The following MGAT5 variants were observed in gnomAD, a reference collection of about 807,000 sequenced individuals.
The protein encoded by MGAT5 is alpha-1,6-mannosylglycoprotein 6-beta-N-acetylglucosaminyltransferase A.
In MGAT5, 30 loss-of-function variants were observed where a neutral mutation model predicts 94.3. The observed-to-expected ratio is 0.32, with a 90% CI of 0.24 to 0.43. The LOEUF (loss-of-function observed/expected upper bound fraction) is 0.43. Ranked by LOEUF, MGAT5 falls within the 20% of genes least tolerant of loss-of-function variation. The probability of loss-of-function intolerance (pLI) is 1.00; values close to 1 mark genes in which losing one functional copy is unlikely to be tolerated. For missense variants in MGAT5, 691 were observed against 905.5 expected, an observed-to-expected ratio of 0.76 and a Z score of 3.04; for synonymous variants, 310 against 322.9, an observed-to-expected ratio of 0.96 and a Z score of 0.43.
intron 1 of MGAT5, among the ~76,000 whole-genome samples, chr2:134,221,906 A>G (rs1289146825): frequency 2.0e-5 from 3 of 152,206 alleles, no homozygotes; most frequent in Non-Finnish European, 2.9e-5. Flanking sequence ...TTAGCCAAAA[A>G]TCATTCCACA....
At chr2:134,188,872 C>T (rs1340224336) in intron 1 of MGAT5, among the ~76,000 whole-genome samples, 1 of 152,168 alleles carries the variant, frequency 6.6e-6, no homozygotes, top group Non-Finnish European at 1.5e-5. Context: ...CCATGGCCTT[C>T]TTAGGTTTGA....
chr2:134,143,699 A>G (rs1308878644), intron 1 of MGAT5, among the ~76,000 whole-genome samples: 1 of 152,174 alleles, frequency 6.6e-6, no homozygotes, highest in Non-Finnish European at 1.5e-5. Flanking sequence ...TGAAGACAAG[A>G]AAAATCCTAG....
chr2:134,319,731 TG>T, intron 4 of MGAT5: 1 of 418,682 alleles, frequency 2.4e-6, no homozygotes, highest in South Asian at 1.7e-5. Context: ...TCAATGTAGC[TG>T]AAGCTCCTGC....
At chr2:134,295,045 T>C (rs1387206955) in intron 2 of MGAT5, among the ~76,000 whole-genome samples, 1 of 152,210 alleles carries the variant, frequency 6.6e-6, no homozygotes. Context: ...AAGTGTACCC[T>C]TTCTGTAGAA....
intron 1 of MGAT5, among the ~76,000 whole-genome samples, chr2:134,178,389 G>A (rs1418377121): frequency 1.3e-5 from 2 of 152,168 alleles, no homozygotes. Flanking sequence ...CAGGGTGGTG[G>A]GGGTGGCAGC....
At chr2:134,295,684 C>T (rs1012156946) in intron 2 of MGAT5, among the ~76,000 whole-genome samples, 3 of 152,070 alleles carry the variant, frequency 2.0e-5, no homozygotes, top group South Asian at 2.1e-4. Context: ...AAGGGCTGTT[C>T]GGAGTTTCTA....
intron 1 of MGAT5, among the ~76,000 whole-genome samples, chr2:134,156,193 G>T (rs1687472227): frequency 6.6e-6 from 1 of 152,148 alleles, no homozygotes; most frequent in Non-Finnish European, 1.5e-5. Context: ...CTGTGCATGA[G>T]ATCTTGTTTA....
intron 1 of MGAT5, among the ~76,000 whole-genome samples, chr2:134,124,683 G>C (rs1319123505): frequency 6.6e-6 from 1 of 152,216 alleles, no homozygotes; most frequent in Non-Finnish European, 1.5e-5. Flanking sequence ...TCTATTTCCT[G>C]ACAAAGTGAA....
chr2:134,347,598 G>A (rs1688997849), intron 8 of MGAT5, among the ~76,000 whole-genome samples: 1 of 152,088 alleles, frequency 6.6e-6, no homozygotes, highest in African/African-American at 2.4e-5. Context: ...GAAGGAAAAA[G>A]ATAACAATAC....
intron 1 of MGAT5, among the ~76,000 whole-genome samples, chr2:134,140,381 A>G (rs1279481878): frequency 2.0e-5 from 3 of 152,214 alleles, no homozygotes; most frequent in Admixed American, 1.3e-4. Flanking sequence ...AATGGGGGAC[A>G]AGGCACTGGC....
chr2:134,255,648 CAA>C (rs1347852222), intron 1 of MGAT5, among the ~76,000 whole-genome samples: 2 of 152,012 alleles, frequency 1.3e-5, no homozygotes, highest in African/African-American at 4.8e-5. Flanking sequence ...TGTTGAGTGA[CAA>C]GAGTCTGATC....
At chr2:134,346,293 T>C (rs1235318810) in intron 8 of MGAT5, among the ~76,000 whole-genome samples, 3 of 152,334 alleles carry the variant, frequency 2.0e-5, no homozygotes, top group Non-Finnish European at 4.4e-5. Flanking sequence ...AGGATAATTT[T>C]GTTATTAAAA....
intron 1 of MGAT5, among the ~76,000 whole-genome samples, chr2:134,221,281 A>C (rs765751594): frequency 1.1e-4 from 17 of 152,218 alleles, no homozygotes; most frequent in Non-Finnish European, 2.1e-4. Context: ...TTTGGTTTAG[A>C]AAGGCAGGAC....
At chr2:134,366,676 G>A (rs190544270) in intron 10 of MGAT5, among the ~76,000 whole-genome samples, 1 of 152,298 alleles carries the variant, frequency 6.6e-6, no homozygotes, top group Non-Finnish European at 1.5e-5. Context: ...TTGTTAAAAT[G>A]CAGACTCTGG....
At chr2:134,123,058 T>TC (rs1685690205) in intron 1 of MGAT5, among the ~76,000 whole-genome samples, 2 of 152,224 alleles carry the variant, frequency 1.3e-5, no homozygotes, top group Admixed American at 1.3e-4. Context: ...TATGCCATGT[T>TC]CTTTGGTAGA....
intron 10 of MGAT5, among the ~76,000 whole-genome samples, chr2:134,391,779 C>G (rs1225206668): frequency 6.6e-6 from 1 of 152,176 alleles, no homozygotes; most frequent in Non-Finnish European, 1.5e-5. Context: ...AATAGAACCA[C>G]AAGGTTGAGA....
chr2:134,298,313 G>A (rs62167997), intron 2 of MGAT5, among the ~76,000 whole-genome samples: 4,721 of 152,058 alleles, frequency 0.031, 113 homozygotes, highest in Middle Eastern at 0.092. Context: ...GGCCAGGCTC[G>A]TCTTGAACTC....
intron 1 of MGAT5, among the ~76,000 whole-genome samples, chr2:134,160,235 G>A (rs1267167729): frequency 4.6e-5 from 7 of 152,190 alleles, no homozygotes; most frequent in Admixed American, 1.3e-4. Context: ...GTGCAGTGGC[G>A]CAATCTCGGC....
At chr2:134,314,622 A>G (rs1412817763) in intron 2 of MGAT5, among the ~76,000 whole-genome samples, 2 of 152,198 alleles carry the variant, frequency 1.3e-5, no homozygotes. Context: ...AGCCCAGAGG[A>G]GGACAGGATT....
Sources: allele counts gnomAD v4.1 joint callset (sites outside exome capture counted in the v4.1 genomes callset), GRCh38; gene constraint gnomAD v4.1.1; transcripts MANE v1.5; gene names NCBI Gene and HGNC (gene_info 2026-07-23, HGNC 2026-07-21).